Variants in NNMT observed in about 807,000 individuals in gnomAD.
NNMT encodes nicotinamide N-methyltransferase.
NNMT carries 10 observed loss-of-function variants against 11.7 expected under a neutral mutation model. The ratio of observed to expected loss-of-function variants is 0.85; its 90% CI spans 0.53 to 1.45. The LOEUF (loss-of-function observed/expected upper bound fraction) is 1.45, where lower values mean the gene tolerates loss of function less well. NNMT is among the 40% of genes most tolerant of loss of function. NNMT has a pLI of 0.00. For missense variants in NNMT, 381 were observed against 319.4 expected, an observed-to-expected ratio of 1.19 and a Z score of -1.47; for synonymous variants, 143 against 133.8, an observed-to-expected ratio of 1.07 and a Z score of -0.48.
chr11:114,306,470 T>G (rs1478337590), intron 2 of NNMT, among the ~76,000 whole-genome samples: 2 of 152,236 alleles, frequency 1.3e-5, no homozygotes, highest in Non-Finnish European at 2.9e-5. Flanking sequence ...TCTAGGGTTT[T>G]TATGGTTTTA....
intron 1 of NNMT, among the ~76,000 whole-genome samples, chr11:114,259,952 C>T (rs750433616): frequency 1.3e-4 from 20 of 152,198 alleles, no homozygotes; most frequent in Non-Finnish European, 2.1e-4. Context: ...CCCTTACCCA[C>T]CACCCTGACT....
chr11:114,297,305 A>G (rs1945390708), intron 1 of NNMT: 1 of 152,222 alleles, frequency 6.6e-6, no homozygotes, highest in Non-Finnish European at 1.5e-5. Context: ...GGATTGGGGA[A>G]TAAAAAATGA....
chr11:114,311,919 T>A (rs1945552143), intron 2 of NNMT, 126 bp from the exon 3 acceptor site: 10 of 920,080 alleles, frequency 1.1e-5, no homozygotes, highest in Non-Finnish European at 1.6e-5. Flanking sequence ...TTCTCTCCTT[T>A]CCCGATAGAG....
At chr11:114,306,990 C>A (rs1351161486) in intron 2 of NNMT, among the ~76,000 whole-genome samples, 1 of 152,218 alleles carries the variant, frequency 6.6e-6, no homozygotes, top group Admixed American at 6.5e-5. Context: ...TGGACTTTCA[C>A]AGCTTGCAAA....
rs377319342 is a variant in NNMT, at chr11:114,264,591, C to T, written c.-130+1657C>T. Among the ~76,000 whole-genome samples, 97 of 152,322 alleles carry T rather than the reference C, an allele frequency of 6.4e-4. No homozygotes were observed. The Middle Eastern group carries it at 0.014, about 21-fold the overall frequency. ...TCTCTAACTCAATTCCATTCCAACA[C>T]TACCTACCTGGAGATAGCATCAGAT... On this transcript the variant is annotated intron_variant, in intron 2 of 4. Coordinates refer to the NNMT transcript ENST00000535401.
chr11:114,275,941 A>G (rs895306753), intron 2 of NNMT, among the ~76,000 whole-genome samples: 1 of 152,044 alleles, frequency 6.6e-6, no homozygotes, highest in African/African-American at 2.4e-5. Context: ...CCAGCTGGCC[A>G]CTCTTTCCAT....
At position 114,312,205 on chromosome 11, in the gene NNMT, A is replaced by G. The variant is rs761010903; in HGVS notation, c.523A>G (p.Thr175Ala). 1 of 1,614,100 alleles carries G rather than the reference A, an allele frequency of 6.2e-7. No individual in the cohort carries two copies. Among genetic ancestry groups the G allele is most frequent in the Non-Finnish European group, 8.5e-7 (1 of 1,180,004 alleles). The change falls in exon 3 of 3, where the codon ACC becomes GCC. Residue 175 changes from threonine (T) to alanine (A), a missense_variant. Coordinates refer to ENST00000299964, the MANE Select transcript of NNMT (RefSeq NM_006169.3). The stretch of plus-strand genomic sequence containing the variant: ...GGATGCCGCCTGCCCAGACCTCCCC[A>G]CCTACTGCAGGGCGCTCAGGAACCT... Reference protein sequence around the residue: ...CLDAACPDLPTYCRALRNLGS... With the variant: ...CLDAACPDLPAYCRALRNLGS...
intron 2 of NNMT, among the ~76,000 whole-genome samples, chr11:114,304,239 C>A (rs1945468628): frequency 6.6e-6 from 1 of 152,208 alleles, no homozygotes; most frequent in Non-Finnish European, 1.5e-5. Context: ...AAGTCCAAAT[C>A]ATCTGTCAAG....
At chr11:114,273,552 G>A (rs1009666075) in intron 2 of NNMT, among the ~76,000 whole-genome samples, 13 of 152,166 alleles carry the variant, frequency 8.5e-5, no homozygotes, top group Admixed American at 6.5e-5. Context: ...CTTAATAAAT[G>A]TTTAAGGCCA....
At chr11:114,264,475 T>C (rs147289161) in intron 2 of NNMT, among the ~76,000 whole-genome samples, 1 of 152,266 alleles carries the variant, frequency 6.6e-6, no homozygotes, top group Non-Finnish European at 1.5e-5. Context: ...TCTCACAACA[T>C]AGTCACATGC....
At position 114,302,726 on chromosome 11, in the gene NNMT, A is replaced by G. The variant is rs185587703; in HGVS notation, c.362+4568A>G. ...ATTAAACATAGGAATTTTGGACTGA[A>G]TGTTTTTATCCCTCCCTCCCAATTT... On this transcript the variant is annotated intron_variant, in intron 2 of 2. Coordinates refer to ENST00000299964, the MANE Select transcript of NNMT (RefSeq NM_006169.3). Among the ~76,000 whole-genome samples, 3 of 152,242 alleles carry G rather than the reference A, an allele frequency of 2.0e-5. No individual in the cohort carries two copies. In the East Asian group the frequency reaches 5.8e-4, roughly 29 times the overall value.
At position 114,296,433 on chromosome 11, in the gene NNMT, C is replaced by A; in HGVS notation, c.-124C>A. ...CCAACCATCTGTTCTAAAAGAAGGG[C>A]TGAACTGATGGAAGGAATGCTGTTA... On this transcript the variant is annotated 5_prime_UTR_variant, in exon 1 of 3. It adds an upstream start codon to the 5' untranslated region. Coordinates refer to ENST00000299964, the MANE Select transcript of NNMT (RefSeq NM_006169.3). 1 of 927,326 alleles carries A rather than the reference C, an allele frequency of 1.1e-6. No homozygotes were observed. Among genetic ancestry groups the A allele is most frequent in the Admixed American group, 2.5e-5 (1 of 39,718 alleles). 57.4% of individuals were successfully genotyped at this position (927,326 alleles called of 1,614,324 possible). A position where few individuals can be genotyped will look rare whatever the true frequency, so the allele number is the denominator to read the frequency against.
At chr11:114,291,460 G>A (rs1054974693), upstream of NNMT, among the ~76,000 whole-genome samples, 1 of 152,180 alleles carries the variant, frequency 6.6e-6, no homozygotes, top group African/African-American at 2.4e-5. Context: ...GACATGCAAG[G>A]CTTGAGGAGG....
intron 2 of NNMT, among the ~76,000 whole-genome samples, chr11:114,263,602 C>A (rs976653471): frequency 6.6e-6 from 1 of 152,222 alleles, no homozygotes. Flanking sequence ...ACCAGCTCAA[C>A]CACCTGGCAG....
chr11:114,275,498 T>G (rs932580438), intron 2 of NNMT, among the ~76,000 whole-genome samples: 2 of 152,212 alleles, frequency 1.3e-5, no homozygotes, highest in Non-Finnish European at 2.9e-5. Context: ...GAAAGAGCAC[T>G]GACTGCAGGG....
intron 2 of NNMT, among the ~76,000 whole-genome samples, chr11:114,299,583 G>T (rs1412324286): frequency 6.6e-6 from 1 of 152,162 alleles, no homozygotes; most frequent in Non-Finnish European, 1.5e-5. Context: ...AAGAGTTTGA[G>T]TATTATTAGT....
At chr11:114,271,825 T>C (rs1202525393) in intron 2 of NNMT, among the ~76,000 whole-genome samples, 1 of 152,124 alleles carries the variant, frequency 6.6e-6, no homozygotes, top group Non-Finnish European at 1.5e-5. Context: ...GGAGATTTTG[T>C]TTAAAAATTA....
At chr11:114,259,004 G>A (rs931322516) in intron 1 of NNMT, among the ~76,000 whole-genome samples, 1 of 152,204 alleles carries the variant, frequency 6.6e-6, no homozygotes, top group African/African-American at 2.4e-5. Context: ...CTGGACCCCT[G>A]AAGCTAAATT....
chr11:114,269,058 T>A (rs12285615), intron 2 of NNMT, among the ~76,000 whole-genome samples: 4,194 of 149,114 alleles, frequency 0.028, 165 homozygotes, highest in African/African-American at 0.092. Context: ...TCACACATTT[T>A]AAAAAAAAAA....
Sources: allele counts gnomAD v4.1 joint callset (sites outside exome capture counted in the v4.1 genomes callset), GRCh38; gene constraint gnomAD v4.1.1; transcripts MANE v1.5; gene names NCBI Gene and HGNC (gene_info 2026-07-23, HGNC 2026-07-21).